CNTNAP2: variants seen among roughly 807,000 people sequenced by gnomAD.
CNTNAP2 encodes contactin-associated protein-like 2.
CNTNAP2 carries 98 observed loss-of-function variants against 155.2 expected under a neutral mutation model. That is an observed-to-expected ratio of 0.63 (90% CI 0.54 to 0.75). The LOEUF is 0.75. Among genes scored for constraint, CNTNAP2 ranks in the 30% least tolerant of loss-of-function variants. The pLI, the probability that CNTNAP2 is intolerant of heterozygous loss-of-function variation, is 0.00. For missense variants in CNTNAP2, 1,727 were observed against 1,688.1 expected (o/e 1.02, Z -0.40); for synonymous variants, 651 against 631.2 (o/e 1.03, Z -0.47).
chr7:148,048,638 G>A (rs187063547), intron 15 of CNTNAP2, among the ~76,000 whole-genome samples: 2 of 152,204 alleles, frequency 1.3e-5, no homozygotes, highest in Non-Finnish European at 2.9e-5. Context: ...AGAGATAGAG[G>A]GGAATTCGAG....
intron 1 of CNTNAP2, among the ~76,000 whole-genome samples, chr7:146,672,306 T>A (rs1326220897): frequency 6.6e-6 from 1 of 152,194 alleles, no homozygotes; most frequent in Non-Finnish European, 1.5e-5. Flanking sequence ...CAAAATCAGT[T>A]CTCTATTAGT....
chr7:147,414,492 A>C (rs1240084941), intron 10 of CNTNAP2, among the ~76,000 whole-genome samples: 3 of 151,140 alleles, frequency 2.0e-5, no homozygotes, highest in African/African-American at 7.3e-5. Context: ...CTAAATGTGT[A>C]GTTGTTTGAT....
chr7:146,284,472 TG>T (rs1358290359), intron 1 of CNTNAP2, among the ~76,000 whole-genome samples: 3 of 152,170 alleles, frequency 2.0e-5, no homozygotes, highest in African/African-American at 7.2e-5. Flanking sequence ...AACTTGTCCA[TG>T]GGCGTAATTA....
chr7:146,206,334 G>A (rs899212242), intron 1 of CNTNAP2, among the ~76,000 whole-genome samples: 2 of 151,730 alleles, frequency 1.3e-5, no homozygotes, highest in Admixed American at 1.3e-4. Flanking sequence ...ACATATACGT[G>A]AAATTATTTT....
intron 13 of CNTNAP2, among the ~76,000 whole-genome samples, chr7:147,829,204 G>C (rs1022395206): frequency 3.7e-4 from 56 of 152,142 alleles, no homozygotes; most frequent in African/African-American, 1.3e-3. Flanking sequence ...AATTGGATCA[G>C]CTGGAGGCAA....
intron 1 of CNTNAP2, among the ~76,000 whole-genome samples, chr7:146,420,928 C>A (rs574729825): frequency 6.1e-4 from 93 of 152,000 alleles, no homozygotes; most frequent in Non-Finnish European, 1.2e-3. Flanking sequence ...TCACATTGGA[C>A]TGTTCAGAAT....
intron 1 of CNTNAP2, among the ~76,000 whole-genome samples, chr7:146,622,083 T>C (rs747361447): frequency 4.6e-5 from 7 of 151,884 alleles, no homozygotes; most frequent in Non-Finnish European, 8.8e-5. Flanking sequence ...TTGAAAAGCA[T>C]TTCTTTATTT....
chr7:147,851,919 G>T (rs1723441), intron 13 of CNTNAP2, among the ~76,000 whole-genome samples: 106,434 of 151,442 alleles, frequency 0.7, 37,618 homozygotes, highest in Middle Eastern at 0.8. Flanking sequence ...TAAATAATAA[G>T]AATAATAATA....
intron 1 of CNTNAP2, among the ~76,000 whole-genome samples, chr7:146,450,783 AATTAAC>A (rs1173756857): frequency 6.6e-6 from 1 of 152,188 alleles, no homozygotes; most frequent in Non-Finnish European, 1.5e-5. Context: ...CCTCTTGGAA[AATTAAC>A]ATTTTTGAAC....
At chr7:147,108,441 A>G (rs1164173043) in intron 5 of CNTNAP2, 91 bp downstream of exon 5, 1 of 1,103,710 alleles carries the variant, frequency 9.1e-7, no homozygotes, top group Admixed American at 2.8e-5. Flanking sequence ...AATGTAAATT[A>G]TAAAAAGAGC....
chr7:146,227,205 C>G (rs1799307759), intron 1 of CNTNAP2, among the ~76,000 whole-genome samples: 1 of 151,860 alleles, frequency 6.6e-6, no homozygotes, highest in South Asian at 2.1e-4. Flanking sequence ...GAGGGTGGAT[C>G]ACTTGAGGTC....
intron 1 of CNTNAP2, among the ~76,000 whole-genome samples, chr7:146,634,613 TGA>T (rs1389962828): frequency 1.3e-5 from 2 of 152,192 alleles, no homozygotes; most frequent in Admixed American, 6.5e-5. Context: ...AATATGTTAA[TGA>T]GAGAGTTATC....
At chr7:146,855,959 T>A (rs1794974160) in intron 3 of CNTNAP2, among the ~76,000 whole-genome samples, 1 of 151,140 alleles carries the variant, frequency 6.6e-6, no homozygotes, top group Non-Finnish European at 1.5e-5. Flanking sequence ...TAATTATTAA[T>A]ACAATTATCA....
Position 148,094,273 on chromosome 7 carries a change from T to C in CNTNAP2, c.2384-23845T>C, listed in dbSNP as rs10231399. Reference sequence around the variant, plus strand: ...ATGTTTTGTGAAACATATGGAATAATGCATAGTAAGTGCATAGCACAGTAA... The same window carrying C: ...ATGTTTTGTGAAACATATGGAATAACGCATAGTAAGTGCATAGCACAGTAA... On this transcript the variant is annotated intron_variant, in intron 15 of 23. Transcript: ENST00000361727. 9.3e-3 allele frequency among the ~76,000 whole-genome samples: 1,421 copies of C among 152,346 alleles called. 29 individuals carry two copies. The highest frequency in any genetic ancestry group is 0.032 in the African/African-American group (1,342 of 41,576).
intron 19 of CNTNAP2, among the ~76,000 whole-genome samples, chr7:148,226,638 A>G (rs78879968): frequency 5.2e-5 from 1 of 19,392 alleles, no homozygotes; most frequent in Non-Finnish European, 1.4e-4. Flanking sequence ...TGGAAAGGGG[A>G]AAAAAAATGC....
intron 1 of CNTNAP2, among the ~76,000 whole-genome samples, chr7:146,699,380 C>T (rs1800837199): frequency 6.6e-6 from 1 of 152,074 alleles, no homozygotes; most frequent in South Asian, 2.1e-4. Flanking sequence ...AGGCTTTTCA[C>T]TTGTATTCCC....
intron 1 of CNTNAP2, among the ~76,000 whole-genome samples, chr7:146,258,700 A>C (rs1799876414): frequency 6.6e-6 from 1 of 152,206 alleles, no homozygotes; most frequent in Admixed American, 6.5e-5. Context: ...ACAGTAACAT[A>C]GTCTCCTGAT....
intron 1 of CNTNAP2, among the ~76,000 whole-genome samples, chr7:146,610,264 C>G (rs2129153861): frequency 6.6e-6 from 1 of 152,212 alleles, no homozygotes. Context: ...TAGGAGAGAG[C>G]AGAGCCCTGG....
At chr7:147,034,463 G>A (rs1194279253) in intron 3 of CNTNAP2, among the ~76,000 whole-genome samples, 1 of 152,098 alleles carries the variant, frequency 6.6e-6, no homozygotes, top group African/African-American at 2.4e-5. Context: ...AGTGTTTACA[G>A]CTCCTGAAGC....
Sources: allele counts gnomAD v4.1 joint callset (sites outside exome capture counted in the v4.1 genomes callset), GRCh38; gene constraint gnomAD v4.1.1; transcripts MANE v1.5; gene names NCBI Gene and HGNC (gene_info 2026-07-23, HGNC 2026-07-21).